The following SEC31B variants were observed in gnomAD, a reference collection of about 807,000 sequenced individuals.
SEC31B encodes SEC31 homolog B, COPII component, also known as protein transport protein Sec31B.
In SEC31B, 113 loss-of-function variants were observed where a neutral mutation model predicts 135.0. That is an observed-to-expected ratio of 0.84 (90% CI 0.72 to 0.98). The LOEUF is 0.98. Among genes scored for constraint, SEC31B ranks in the 50% least tolerant of loss-of-function variants. SEC31B has a pLI of 0.00. For synonymous variants in SEC31B, 508 were observed against 549.4 expected, an observed-to-expected ratio of 0.92 and a Z score of 1.05; for missense variants, 1,296 against 1,421.1, an observed-to-expected ratio of 0.91 and a Z score of 1.42.
rs565638652 is a variant in SEC31B at position 100,497,039 on chromosome 10, C to T, written c.2136+96G>A. 1.4e-4 allele frequency: 208 copies of T among 1,468,280 alleles called. No individual in the cohort carries two copies. The African/African-American group carries it at 2.6e-3, about 19-fold the overall frequency. The allele number at this position is 1,468,280 out of a possible 1,614,324, so 91.0% of individuals were successfully genotyped here. The stretch of plus-strand genomic sequence containing the variant: ...CCCTAACACCGTGGTTCCAGCCTGT[C>T]CCAGAAGATTCGCCTCTGCTAGCTC... On this transcript the variant is annotated intron_variant, in intron 17 of 25. Coordinates refer to ENST00000370345, the MANE Select transcript of SEC31B (RefSeq NM_015490.4).
rs1589738552 is a variant in SEC31B, at chr10:100,507,581, A to C, written c.640-14T>G. On this transcript the variant is annotated splice_polypyrimidine_tract_variant and intron_variant, in intron 6 of 25. Transcript: ENST00000370345. ...TGAGCAGTGCATCTGTGAACAAAGC[A>C]GATCCCAATGGGTGCTGTAACCTGA... is the stretch of plus-strand genomic sequence containing the variant. 5 of 1,614,054 alleles carry C rather than the reference A, an allele frequency of 3.1e-6. No individual in the cohort carries two copies. The African/African-American group carries it at 6.7e-5, about 22-fold the overall frequency.
chr10:100,490,217 C>T lies in SEC31B; in HGVS notation c.2756G>A (p.Cys919Tyr), dbSNP rs191673247. The T allele has an allele frequency of 1.1e-5, 17 of 1,612,326 alleles. No individual in the cohort carries two copies. In the Admixed American group the frequency reaches 2.8e-4, roughly 27 times the overall value. Reference sequence around the variant, plus strand: ...AGAGCCAGGTCGCATGATGCCTGGGCATGCCATGGGTAGAGGGGAACCAGG... The same window carrying T: ...AGAGCCAGGTCGCATGATGCCTGGGTATGCCATGGGTAGAGGGGAACCAGG... ...PLPGSPLPMA[C>Y]PGIMRPGSTS... Residue 919 changes from cysteine to tyrosine, a missense_variant, in exon 21 of 26, where the codon TGC (cysteine) becomes TAC (tyrosine). By Grantham distance (194) the Cys-to-Tyr change is radical (BLOSUM62 -2). Transcript: ENST00000370345.
intron 24 of SEC31B, 26 bp from the exon 25 acceptor site, chr10:100,488,124 C>T (rs1473165473): frequency 6.2e-7 from 1 of 1,605,388 alleles, no homozygotes; most frequent in African/African-American, 1.3e-5. Context: ...TGGATTCCAA[C>T]CCCAGCCCCT....
At position 100,506,354 on chromosome 10, in the gene SEC31B, G is replaced by A; in HGVS notation, c.849C>T (p.Ser283=). Residue 283 remains serine (S), a synonymous_variant, in exon 8 of 26, where the codon AGC becomes AGT. Transcript: ENST00000370345. ...AELLLTSAKD[S]QILCRNLGSS... Reference sequence around the variant, plus strand: ...TCCCCAGGTTCCGGCACAAGATCTGGCTGTCCTTAGCACTAGTGAGCAGCA... The same window carrying A: ...TCCCCAGGTTCCGGCACAAGATCTGACTGTCCTTAGCACTAGTGAGCAGCA... 6.2e-7 allele frequency: 1 copy of A among 1,614,138 alleles called. No homozygotes were observed. Among genetic ancestry groups the A allele is most frequent in the Non-Finnish European group, 8.5e-7 (1 of 1,180,022 alleles).
chr10:100,502,603 AAGAG>A (rs1451094993), intron 10 of SEC31B, 119 bp from the exon 11 acceptor site: 6 of 663,126 alleles, frequency 9.0e-6, no homozygotes, highest in Non-Finnish European at 1.5e-5. Flanking sequence ...TAAATAAAAT[AAGAG>A]AGTTCCTGGG....
At chr10:100,499,770 A>G (rs535399902) in intron 11 of SEC31B, among the ~76,000 whole-genome samples, 172 bp from the exon 12 acceptor site, 3 of 152,134 alleles carry the variant, frequency 2.0e-5, no homozygotes, top group Non-Finnish European at 4.4e-5. Context: ...TGACTTACTG[A>G]TGGGCTATCA....
At chr10:100,508,767 T>C (rs566434527) in intron 5 of SEC31B, 4 of 557,594 alleles carry the variant, frequency 7.2e-6, no homozygotes, top group South Asian at 6.3e-5. Context: ...AACTTTCATC[T>C]GCCTCCCAGA....
intron 8 of SEC31B, 58 bp downstream of exon 8, chr10:100,506,263 T>A (rs1851629349): frequency 6.2e-7 from 1 of 1,613,992 alleles, no homozygotes; most frequent in Non-Finnish European, 8.5e-7. Context: ...TGGCTGCAGC[T>A]GAGATTCTTC....
At chr10:100,500,735 C>T (rs1229784135) in intron 11 of SEC31B, among the ~76,000 whole-genome samples, 3 of 152,184 alleles carry the variant, frequency 2.0e-5, no homozygotes, top group African/African-American at 4.8e-5. Context: ...CTGAAGCCCC[C>T]GTAATCTTGG....
chr10:100,517,222 G>A (rs1851867593), intron 1 of SEC31B, among the ~76,000 whole-genome samples: 1 of 152,238 alleles, frequency 6.6e-6, no homozygotes, highest in African/African-American at 2.4e-5. Flanking sequence ...CACAGGTCCA[G>A]TGGTGATAAC....
chr10:100,509,487 G>T lies in SEC31B; in HGVS notation c.228C>A (p.Ser76Arg), dbSNP rs1851699556. The change falls in exon 4 of 26, where the codon AGC (serine) becomes AGA (arginine). Residue 76 changes from serine (S) to arginine (R), a missense_variant. Transcript: ENST00000370345. ...LSRFHKLVWG[S>R]FGSGLLESSG... is the part of the protein sequence containing the mutation. ...AGCTTTCCAGAAGCCCACTGCCAAA[G>T]CTCCCCCAGACCAGCTTGTGAAACC... The T allele has an allele frequency of 6.2e-7, 1 of 1,613,470 alleles. No homozygotes were observed. Among genetic ancestry groups the T allele is most frequent in the African/African-American group, 1.3e-5 (1 of 74,906 alleles).
At chr10:100,495,635 C>T (rs1198382897) in intron 18 of SEC31B, 89 bp from the exon 19 acceptor site, 12 of 1,238,126 alleles carry the variant, frequency 9.7e-6, no homozygotes, top group African/African-American at 3.0e-5. Context: ...ACCCTCTACA[C>T]CAAGCTTGTC....
At chr10:100,508,867 A>C in intron 5 of SEC31B, 140 bp downstream of exon 5, 1 of 669,166 alleles carries the variant, frequency 1.5e-6, no homozygotes, top group Non-Finnish European at 2.6e-6. Flanking sequence ...GGCTGGTAGC[A>C]TGTTAGTCTG....
At chr10:100,499,796 C>A (rs550733145) in intron 11 of SEC31B, among the ~76,000 whole-genome samples, 198 bp from the exon 12 acceptor site, 15 of 152,306 alleles carry the variant, frequency 9.8e-5, no homozygotes, top group Admixed American at 5.9e-4. Context: ...GTTAACATAG[C>A]CCCCTGCCCT....
chr10:100,507,797 A>G, intron 6 of SEC31B, 111 bp downstream of exon 6: 1 of 1,470,690 alleles, frequency 6.8e-7, no homozygotes, highest in Non-Finnish European at 9.4e-7. Flanking sequence ...GGCTGACTCC[A>G]CATGTCCGAC....
chr10:100,496,275 G>A lies in SEC31B; in HGVS notation c.2293C>T (p.Pro765Ser). ...CCACTTACCTGAGCACAGTCCCTGG[G>A]TAGAAAGCTCATGGCAGTGGCCAGG... ...GSLATAMSFL[P>S]RDCAQPPVQQ... Residue 765 changes from proline (P) to serine (S), a missense_variant, in exon 18 of 26, where the codon CCC becomes TCC. Pro to Ser is a moderately conservative substitution (Grantham distance 74, BLOSUM62 -1). Transcript: ENST00000370345. 2 of 1,614,144 alleles carry A rather than the reference G, an allele frequency of 1.2e-6. No individual in the cohort carries two copies. Among genetic ancestry groups the A allele is most frequent in the Non-Finnish European group, 1.7e-6 (2 of 1,179,990 alleles).
chr10:100,490,359 C>G (rs770375156), intron 20 of SEC31B, 37 bp from the exon 21 acceptor site: 5 of 1,582,954 alleles, frequency 3.2e-6, no homozygotes, highest in Non-Finnish European at 3.4e-6. Flanking sequence ...TGTCACTAAA[C>G]TTCATTTCAG....
intron 3 of SEC31B, 106 bp downstream of exon 3, chr10:100,515,990 C>T (rs1851834894): frequency 1.4e-6 from 2 of 1,383,402 alleles, no homozygotes; most frequent in Non-Finnish European, 2.0e-6. Flanking sequence ...TGGCAAAGCT[C>T]CTTCTTCCCT....
chr10:100,505,312 A>T (rs745593113), intron 10 of SEC31B, 49 bp downstream of exon 10: 1 of 1,596,486 alleles, frequency 6.3e-7, no homozygotes, highest in Non-Finnish European at 8.5e-7. Context: ...ACACACACAC[A>T]CACACACACA....
Sources: gnomAD v4.1 joint callset for allele counts (sites outside exome capture counted in the v4.1 genomes callset) on GRCh38, gnomAD v4.1.1 for gene constraint, MANE v1.5 for transcripts, NCBI Gene and HGNC (gene_info 2026-07-23, HGNC 2026-07-21) for gene names.